Variants in GRIK3 observed in about 807,000 individuals in gnomAD.
GRIK3 encodes glutamate receptor ionotropic, kainate 3.
A neutral mutation model predicts 102.5 loss-of-function variants in GRIK3; 29 were observed. The observed-to-expected ratio is 0.28, with a 90% confidence interval of 0.21 to 0.39. GRIK3 has a LOEUF of 0.39. Among genes scored for constraint, GRIK3 ranks in the 10% least tolerant of loss-of-function variants. GRIK3 has a pLI of 1.00. For synonymous variants in GRIK3, 511 were observed against 504.9 expected, an observed-to-expected ratio of 1.01 and a Z score of -0.16; for missense variants, 908 against 1,252.4, an observed-to-expected ratio of 0.73 and a Z score of 4.15.
At chr1:36,950,972 C>G (rs1359018776) in intron 1 of GRIK3, among the ~76,000 whole-genome samples, 1 of 152,156 alleles carries the variant, frequency 6.6e-6, no homozygotes, top group African/African-American at 2.4e-5. Context: ...AGACTGGGGC[C>G]CCAGGTTTTT....
rs994076149 is a variant in GRIK3 at position 36,797,293 on chromosome 1, T to C, written c.*4558A>G. ...CATATATACACTGTGCATATATATATATATATACAGTATATATATATATTT... is the reference window on the plus strand; with the variant it reads ...CATATATACACTGTGCATATATATACATATATACAGTATATATATATATTT... On this transcript the variant is annotated 3_prime_UTR_variant, in exon 16 of 16. Coordinates refer to ENST00000373091, the MANE Select transcript of GRIK3 (RefSeq NM_000831.4). 2.0e-5 allele frequency: 3 copies of C among 150,474 alleles called. No homozygotes were observed. Among genetic ancestry groups the C allele is most frequent in the Non-Finnish European group, 4.4e-5 (3 of 67,754 alleles). 9.3% of individuals were successfully genotyped at this position (150,474 alleles called of 1,614,324 possible).
intron 13 of GRIK3, among the ~76,000 whole-genome samples, chr1:36,812,200 G>T (rs190903176): frequency 1.3e-5 from 2 of 152,188 alleles, no homozygotes; most frequent in Admixed American, 1.3e-4. Context: ...TGTGGACCAG[G>T]TGACCTCTCT....
chr1:36,874,319 T>C lies in GRIK3; in HGVS notation c.551-1950A>G, dbSNP rs560852117. Among the ~76,000 whole-genome samples, 9 of 152,290 alleles carry C rather than the reference T, an allele frequency of 5.9e-5. No homozygotes were observed. The East Asian group carries it at 1.7e-3, about 29-fold the overall frequency. On this transcript the variant is annotated intron_variant, in intron 3 of 15. Transcript: ENST00000373091. ...TCTCACTTTGCTTCGGGGACAGACATGTATGCTCGTAGCCTAAGCCTCCTA... is the reference window on the plus strand; with the variant it reads ...TCTCACTTTGCTTCGGGGACAGACACGTATGCTCGTAGCCTAAGCCTCCTA...
chr1:36,994,915 G>C (rs1642404314), intron 1 of GRIK3, among the ~76,000 whole-genome samples: 2 of 152,166 alleles, frequency 1.3e-5, no homozygotes, highest in South Asian at 4.1e-4. Flanking sequence ...CTTTCTCTCT[G>C]TGACAGTTCT....
At chr1:36,902,065 T>A (rs1641237513) in intron 1 of GRIK3, among the ~76,000 whole-genome samples, 1 of 152,164 alleles carries the variant, frequency 6.6e-6, no homozygotes, top group Non-Finnish European at 1.5e-5. Context: ...ACAACTCTAA[T>A]GAAAGAAATC....
chr1:36,904,566 T>C (rs1240911850), intron 1 of GRIK3, among the ~76,000 whole-genome samples: 1 of 152,208 alleles, frequency 6.6e-6, no homozygotes, highest in Non-Finnish European at 1.5e-5. Flanking sequence ...AACACATTTA[T>C]GGATAAGGTT....
At chr1:36,973,493 C>T (rs1642165177) in intron 1 of GRIK3, among the ~76,000 whole-genome samples, 2 of 147,884 alleles carry the variant, frequency 1.4e-5, no homozygotes, top group Non-Finnish European at 3.0e-5. Context: ...AATCTTGGCT[C>T]ACCACAACCT....
intron 10 of GRIK3, among the ~76,000 whole-genome samples, chr1:36,831,835 CA>C (rs1353900619): frequency 1.3e-5 from 2 of 152,168 alleles, no homozygotes; most frequent in Admixed American, 1.3e-4. Flanking sequence ...CATTGAAAGG[CA>C]CTCCAACATT....
chr1:36,817,687 C>T (rs1253075518), intron 12 of GRIK3, among the ~76,000 whole-genome samples: 1 of 152,184 alleles, frequency 6.6e-6, no homozygotes, highest in African/African-American at 2.4e-5. Flanking sequence ...ACCTGGGAGT[C>T]AGGACCCTTG....
At chr1:36,884,043 G>A (rs1184646239) in intron 2 of GRIK3, among the ~76,000 whole-genome samples, 2 of 152,186 alleles carry the variant, frequency 1.3e-5, no homozygotes, top group Admixed American at 6.5e-5. Context: ...TGTAACACGG[G>A]GCAGAACAGC....
At chr1:36,918,230 C>A (rs1290852184) in intron 1 of GRIK3, among the ~76,000 whole-genome samples, 7 of 152,082 alleles carry the variant, frequency 4.6e-5, no homozygotes, top group South Asian at 2.1e-4. Flanking sequence ...ATGTTCCAAG[C>A]CTTTCCCTTC....
chr1:36,828,652 TTACTC>T (rs1316458518), intron 10 of GRIK3, among the ~76,000 whole-genome samples: 3 of 152,206 alleles, frequency 2.0e-5, no homozygotes, highest in African/African-American at 7.2e-5. Flanking sequence ...AAGTGACACT[TTACTC>T]TATATTGCTT....
intron 1 of GRIK3, among the ~76,000 whole-genome samples, chr1:36,968,265 G>C (rs1642101792): frequency 8.3e-6 from 1 of 121,000 alleles, no homozygotes; most frequent in African/African-American, 3.5e-5. Flanking sequence ...GTGTGTGTGT[G>C]TCTTCTTTGT....
intron 1 of GRIK3, among the ~76,000 whole-genome samples, chr1:36,965,825 A>C (rs1642072365): frequency 1.3e-5 from 2 of 152,240 alleles, no homozygotes; most frequent in Admixed American, 1.3e-4. Flanking sequence ...CCAATTTACA[A>C]GCAATTACAC....
At chr1:36,914,244 T>C (rs1641376093) in intron 1 of GRIK3, among the ~76,000 whole-genome samples, 1 of 152,214 alleles carries the variant, frequency 6.6e-6, no homozygotes, top group Non-Finnish European at 1.5e-5. Flanking sequence ...TGGGGTAGAA[T>C]GGAGAATGGA....
intron 1 of GRIK3, among the ~76,000 whole-genome samples, chr1:36,998,021 A>G (rs561481943): frequency 6.6e-6 from 1 of 152,310 alleles, no homozygotes; most frequent in East Asian, 1.9e-4. Context: ...AGCATAGAAC[A>G]ATGCCTGGCA....
chr1:37,010,529 G>C (rs1403681081), intron 1 of GRIK3, among the ~76,000 whole-genome samples: 2 of 152,076 alleles, frequency 1.3e-5, no homozygotes, highest in Non-Finnish European at 2.9e-5. Flanking sequence ...CTACAATGAT[G>C]CTCCTGGAGT....
intron 1 of GRIK3, among the ~76,000 whole-genome samples, chr1:37,002,516 A>T (rs934004316): frequency 6.6e-6 from 1 of 152,144 alleles, no homozygotes; most frequent in African/African-American, 2.4e-5. Flanking sequence ...TGTGCACTTG[A>T]ACTGCATCCT....
Position 36,875,456 on chromosome 1 carries a change from GC to G in GRIK3, c.551-3088del, listed in dbSNP as rs144977393. On this transcript the variant is annotated intron_variant, in intron 3 of 15. Transcript: ENST00000373091. ...ACCCTTTGCCATGTAACTTTGCAGG[GC>G]CCTCCAATTGGGCTCACCCATGTGA... Among the ~76,000 whole-genome samples, 1,292 of 152,330 alleles carry G rather than the reference GC, an allele frequency of 8.5e-3. 16 individuals carry two copies. Among genetic ancestry groups the G allele is most frequent in the African/African-American group, 0.03 (1,235 of 41,572 alleles).
Sources: allele counts gnomAD v4.1 joint callset (sites outside exome capture counted in the v4.1 genomes callset), GRCh38; gene constraint gnomAD v4.1.1; transcripts MANE v1.5; gene names NCBI Gene and HGNC (gene_info 2026-07-23, HGNC 2026-07-21).